Variants in RNF169 observed in about 807,000 individuals in gnomAD.
RNF169 encodes ring finger protein 169, also known as E3 ubiquitin-protein ligase RNF169.
In RNF169, 24 loss-of-function variants were observed where a neutral mutation model predicts 53.9. The ratio of observed to expected loss-of-function variants is 0.45; its 90% CI spans 0.32 to 0.63. The LOEUF (loss-of-function observed/expected upper bound fraction) is 0.63, where lower values mean the gene tolerates loss of function less well. Ranked by LOEUF, RNF169 falls within the 20% of genes least tolerant of loss-of-function variation. The probability of loss-of-function intolerance (pLI) is 0.04; values close to 1 mark genes in which losing one functional copy is unlikely to be tolerated. For synonymous variants in RNF169, 396 were observed against 363.5 expected (o/e 1.09, Z -1.02); for missense variants, 883 against 906.2 (o/e 0.97, Z 0.33).
chr11:74,805,856 C>T (rs1422112923), intron 2 of RNF169, among the ~76,000 whole-genome samples: 1 of 151,670 alleles, frequency 6.6e-6, no homozygotes. Context: ...TACAGAGGGC[C>T]GACTTTTTAT....
chr11:74,749,054 G>T lies in RNF169; in HGVS notation c.174G>T (p.Pro58=), dbSNP rs961423013. The change falls in exon 1 of 6, where the codon CCG becomes CCT. Residue 58 remains proline, a synonymous_variant. Coordinates refer to ENST00000299563, the MANE Select transcript of RNF169 (RefSeq NM_001098638.2). ...LVLSPPLLQP[P]LPPRPEESGC... The stretch of plus-strand genomic sequence containing the variant: ...TGTCGCCGCCGTTGCTGCAGCCGCC[G>T]CTGCCGCCGCGGCCGGAGGAATCGG... The T allele has an allele frequency of 1.8e-5, 26 of 1,467,864 alleles. No homozygotes were observed. The African/African-American group carries it at 2.6e-4, about 15-fold the overall frequency. The allele number at this position is 1,467,864 out of a possible 1,614,324, so 90.9% of individuals were successfully genotyped here.
chr11:74,750,968 A>G (rs1448065213), intron 1 of RNF169, among the ~76,000 whole-genome samples: 1 of 135,194 alleles, frequency 7.4e-6, no homozygotes, highest in Non-Finnish European at 1.5e-5. Context: ...TCTGCCTCCC[A>G]GGTTCAAGCG....
At chr11:74,813,760 G>A (rs1431545916) in intron 3 of RNF169, among the ~76,000 whole-genome samples, 8 of 152,062 alleles carry the variant, frequency 5.3e-5, no homozygotes, top group Non-Finnish European at 4.4e-5. Context: ...GCGTGATCTC[G>A]GCTTACTACC....
intron 2 of RNF169, among the ~76,000 whole-genome samples, chr11:74,801,607 A>G (rs946722084): frequency 1.1e-4 from 16 of 152,194 alleles, no homozygotes; most frequent in African/African-American, 3.9e-4. Context: ...ATTAAAGAAA[A>G]AGCTCTAGAT....
intron 1 of RNF169, among the ~76,000 whole-genome samples, chr11:74,786,233 C>T (rs1395115804): frequency 6.7e-6 from 1 of 149,248 alleles, no homozygotes. Flanking sequence ...GCCACTGTGC[C>T]TGGCCTGTTT....
Position 74,835,906 on chromosome 11 carries a change from G to A in RNF169, c.1303G>A (p.Glu435Lys). ...EASPRILKKW[E>K]QIFQERQIKK... Reference sequence around the variant, plus strand: ...CAGTCCACGGATCCTCAAAAAGTGGGAACAGATCTTTCAGGAGCGGCAGAT... The same window carrying A: ...CAGTCCACGGATCCTCAAAAAGTGGAAACAGATCTTTCAGGAGCGGCAGAT... The change falls in exon 6 of 6, where the codon GAA (glutamate) becomes AAA (lysine). Residue 435 changes from glutamate to lysine, a missense_variant. Physicochemically the swap from Glu to Lys is moderately conservative, Grantham distance 56 (BLOSUM62 1). Around this residue, in one of 3 missense-constraint regions of RNF169, gnomAD observed 351 missense variants for 337.3 expected, o/e 1.04. Coordinates refer to ENST00000299563, the MANE Select transcript of RNF169 (RefSeq NM_001098638.2). 1.2e-6 allele frequency: 2 copies of A among 1,614,144 alleles called. No homozygotes were observed. The highest frequency in any genetic ancestry group is 1.7e-6 in the Non-Finnish European group (2 of 1,180,026).
intron 1 of RNF169, among the ~76,000 whole-genome samples, chr11:74,749,706 A>G (rs1302575421): frequency 2.0e-5 from 3 of 152,076 alleles, no homozygotes; most frequent in African/African-American, 7.2e-5. Flanking sequence ...CTTGGATCAG[A>G]GAAGTGCTTG....
intron 1 of RNF169, among the ~76,000 whole-genome samples, chr11:74,756,205 A>C (rs1466469316): frequency 2.0e-5 from 3 of 152,158 alleles, no homozygotes; most frequent in Admixed American, 2.0e-4. Context: ...TTCTGTCCCA[A>C]AGTGTAGTTG....
rs1281503267 is a variant in RNF169, at chr11:74,834,656, T to TA, written c.843-20_843-19insA. 6.3e-7 allele frequency: 1 copy of TA among 1,591,158 alleles called. No individual in the cohort carries two copies. The highest frequency in any genetic ancestry group is 1.8e-5 in the Admixed American group (1 of 56,972). On this transcript the variant is annotated intron_variant, in intron 4 of 5. Coordinates refer to ENST00000299563, the MANE Select transcript of RNF169 (RefSeq NM_001098638.2). ...TATGGACTAATTTTGACTACTCGTTTTTTATTTATTCTTTTTTAGGAAGCT... is the reference window on the plus strand; with the variant it reads ...TATGGACTAATTTTGACTACTCGTTTATTTATTTATTCTTTTTTAGGAAGCT...
chr11:74,777,652 A>ATT (rs35842788), intron 1 of RNF169, among the ~76,000 whole-genome samples: 11 of 146,782 alleles, frequency 7.5e-5, no homozygotes, highest in Non-Finnish European at 1.7e-4. Context: ...GTTGTCTTAA[A>ATT]TTTTTTTTTT....
intron 1 of RNF169, among the ~76,000 whole-genome samples, chr11:74,775,998 T>C (rs76923118): frequency 0.022 from 3,283 of 152,270 alleles, 115 homozygotes; most frequent in African/African-American, 0.075. Flanking sequence ...ATTCTAGTCA[T>C]CTTTAAATAT....
chr11:74,752,228 T>TAA (rs11325931), intron 1 of RNF169, among the ~76,000 whole-genome samples: 17,629 of 78,450 alleles, frequency 0.22, 2,270 homozygotes, highest in East Asian at 0.49. Flanking sequence ...GAGACTGTCT[T>TAA]AAAAAAAAAA....
chr11:74,795,222 T>C (rs372799147), intron 2 of RNF169, among the ~76,000 whole-genome samples: 1 of 66,838 alleles, frequency 1.5e-5, no homozygotes, highest in African/African-American at 1.4e-4. Context: ...AGATACTCTT[T>C]TTTTTTTTTT....
intron 2 of RNF169, among the ~76,000 whole-genome samples, chr11:74,800,054 A>G (rs2035707863): frequency 6.6e-6 from 1 of 151,432 alleles, no homozygotes; most frequent in Admixed American, 6.6e-5. Context: ...ATATTGTAAT[A>G]TATCACATAT....
rs374421184 is a variant in RNF169 at position 74,836,298 on chromosome 11, C to T, written c.1695C>T (p.Ser565=). The change falls in exon 6 of 6, where the codon AGC becomes AGT. Residue 565 remains serine (S), a synonymous_variant. Transcript: ENST00000299563. ...CCAAGTTAGACAAAACCTGTATAAG[C>T]AGAGCCATGAAAATCACCACAGTTA... ...PDAKLDKTCI[S]RAMKITTVNS... 1.9e-6 allele frequency: 3 copies of T among 1,614,048 alleles called. No individual in the cohort carries two copies. Among genetic ancestry groups the T allele is most frequent in the Admixed American group, 1.7e-5 (1 of 59,996 alleles).
At chr11:74,827,736 A>T (rs1181745894) in intron 4 of RNF169, among the ~76,000 whole-genome samples, 1 of 152,198 alleles carries the variant, frequency 6.6e-6, no homozygotes, top group Non-Finnish European at 1.5e-5. Context: ...AAACCATATG[A>T]TTATCTCAAT....
chr11:74,757,243 C>T (rs1430662854), intron 1 of RNF169, among the ~76,000 whole-genome samples: 103 of 125,420 alleles, frequency 8.2e-4, no homozygotes, highest in African/African-American at 2.2e-3. Context: ...TGAGAATATG[C>T]GGTGTTTGGT....
intron 4 of RNF169, among the ~76,000 whole-genome samples, chr11:74,822,208 G>C (rs1221463377): frequency 6.6e-6 from 1 of 152,146 alleles, no homozygotes; most frequent in Non-Finnish European, 1.5e-5. Context: ...GAGACAGAGA[G>C]AGTAATGAGC....
intron 2 of RNF169, among the ~76,000 whole-genome samples, chr11:74,795,105 C>T (rs886187538): frequency 4.0e-5 from 6 of 151,646 alleles, no homozygotes; most frequent in South Asian, 2.1e-4. Context: ...CACGCTTGGC[C>T]GGAAGGAAGG....
Sources: allele counts gnomAD v4.1 joint callset (sites outside exome capture counted in the v4.1 genomes callset), GRCh38; gene constraint gnomAD v4.1.1; regional missense constraint gnomAD v4.1.1; transcripts MANE v1.5; gene names NCBI Gene and HGNC (gene_info 2026-07-23, HGNC 2026-07-21).